The following SGK3 variants were observed in gnomAD, a reference collection of about 807,000 sequenced individuals.
The protein encoded by SGK3 is serine/threonine-protein kinase Sgk3.
A neutral mutation model predicts 68.5 loss-of-function variants in SGK3; 47 were observed. That is an observed-to-expected ratio of 0.69 (90% CI 0.54 to 0.87). The LOEUF (loss-of-function observed/expected upper bound fraction) is 0.87, where lower values mean the gene tolerates loss of function less well. SGK3 is among the 40% of genes least tolerant of loss of function. The pLI, the probability that SGK3 is intolerant of heterozygous loss-of-function variation, is 0.00. For synonymous variants in SGK3, 181 were observed against 189.1 expected (o/e 0.96, Z 0.35); for missense variants, 479 against 575.5 (o/e 0.83, Z 1.72).
chr8:66,762,306 G>A (rs377245401), intron 1 of SGK3, among the ~76,000 whole-genome samples: 2 of 152,124 alleles, frequency 1.3e-5, no homozygotes, highest in African/African-American at 2.4e-5. Flanking sequence ...TCAGCTGGAC[G>A]TCAGGAGATC....
At chr8:66,782,404 A>G (rs992898377) in intron 1 of SGK3, among the ~76,000 whole-genome samples, 27 of 151,326 alleles carry the variant, frequency 1.8e-4, no homozygotes, top group Non-Finnish European at 1.2e-4. Context: ...GCTGCCACAC[A>G]TGTCCAGCAC....
In SGK3 at chr8:66,836,009, T is replaced by A; in HGVS notation, c.676T>A (p.Leu226Met). ...TGTGAAACATCCGTTTTTGGTTGGA[T>A]TGCATTATTCCTTCCAAACAACTGA... is the stretch of plus-strand genomic sequence containing the variant. Reference protein sequence around the residue: ...KNVKHPFLVGLHYSFQTTEKL... With the variant: ...KNVKHPFLVGMHYSFQTTEKL... Residue 226 changes from leucine to methionine, a missense_variant, in exon 10 of 17, where the codon TTG becomes ATG. Coordinates refer to ENST00000521198, the MANE Select transcript of SGK3 (RefSeq NM_001033578.3). The A allele has an allele frequency of 6.2e-7, 1 of 1,613,832 alleles. No homozygotes were observed. The highest frequency in any genetic ancestry group is 8.5e-7 in the Non-Finnish European group (1 of 1,179,886).
rs549216381 is a variant in SGK3 at position 66,756,915 on chromosome 8, A to G, written c.-121-36701A>G. On this transcript the variant is annotated intron_variant, in intron 1 of 16. Coordinates refer to ENST00000521198, the MANE Select transcript of SGK3 (RefSeq NM_001033578.3). Reference sequence around the variant, plus strand: ...CAGCATCAACTATTTTTAAAAAGATAATAATCTGGACATGTAAGATTTATG... The same window carrying G: ...CAGCATCAACTATTTTTAAAAAGATGATAATCTGGACATGTAAGATTTATG... Among the ~76,000 whole-genome samples, 61 of 151,968 alleles carry G rather than the reference A, an allele frequency of 4.0e-4. No homozygotes were observed. The South Asian group carries it at 0.011, about 28-fold the overall frequency.
chr8:66,798,025 C>T (rs1201850584), intron 2 of SGK3, among the ~76,000 whole-genome samples: 8 of 148,598 alleles, frequency 5.4e-5, no homozygotes, highest in Middle Eastern at 3.4e-3. Context: ...TTTTTTTTTC[C>T]AAGTCATGAT....
chr8:66,736,283 AAAT>A (rs1242272730), intron 1 of SGK3, among the ~76,000 whole-genome samples: 1 of 152,162 alleles, frequency 6.6e-6, no homozygotes, highest in Non-Finnish European at 1.5e-5. Context: ...ATAACAATAA[AAAT>A]AATACAAATA....
At chr8:66,783,611 G>C (rs1402450830) in intron 1 of SGK3, among the ~76,000 whole-genome samples, 2 of 152,162 alleles carry the variant, frequency 1.3e-5, no homozygotes, top group Non-Finnish European at 2.9e-5. Flanking sequence ...TTCACCTCCT[G>C]GGCTCAAGCT....
chr8:66,753,195 G>A (rs1805874447), intron 1 of SGK3, among the ~76,000 whole-genome samples: 1 of 152,034 alleles, frequency 6.6e-6, no homozygotes, highest in African/African-American at 2.4e-5. Flanking sequence ...TTTCCATTTT[G>A]CAGATGAGAA....
chr8:66,839,553 A>G (rs1420489458), intron 10 of SGK3, among the ~76,000 whole-genome samples: 5 of 74,064 alleles, frequency 6.8e-5, no homozygotes, highest in Non-Finnish European at 1.2e-4. Context: ...ATATATATAT[A>G]TATATTTTCA....
intron 5 of SGK3, among the ~76,000 whole-genome samples, chr8:66,819,721 AC>A (rs1044253076): frequency 3.3e-4 from 51 of 152,276 alleles, no homozygotes; most frequent in African/African-American, 1.2e-3. Flanking sequence ...CATTTTATAA[AC>A]CTTTTTTATT....
At chr8:66,727,152 A>G (rs1193313865) in intron 1 of SGK3, among the ~76,000 whole-genome samples, 2 of 151,994 alleles carry the variant, frequency 1.3e-5, no homozygotes, top group Admixed American at 6.6e-5. Context: ...CCCAGGATGG[A>G]GTGCAGTGGT....
At chr8:66,724,789 AG>A (rs1048755010) in intron 1 of SGK3, among the ~76,000 whole-genome samples, 3 of 152,200 alleles carry the variant, frequency 2.0e-5, no homozygotes, top group African/African-American at 7.2e-5. Context: ...CTACATGTAA[AG>A]GGACTCTGGA....
At chr8:66,814,874 T>C (rs1808516711) in intron 5 of SGK3, among the ~76,000 whole-genome samples, 1 of 152,220 alleles carries the variant, frequency 6.6e-6, no homozygotes, top group South Asian at 2.1e-4. Flanking sequence ...AGTTGGTTTA[T>C]GAGTATTCAT....
intron 4 of SGK3, among the ~76,000 whole-genome samples, chr8:66,812,502 G>A (rs1419900519): frequency 6.6e-6 from 1 of 151,816 alleles, no homozygotes; most frequent in African/African-American, 2.4e-5. Context: ...AGTTTGCAGT[G>A]AGCTGAGATC....
intron 1 of SGK3, among the ~76,000 whole-genome samples, chr8:66,762,114 G>T (rs566116358): frequency 2.0e-5 from 3 of 152,118 alleles, no homozygotes; most frequent in Non-Finnish European, 4.4e-5. Flanking sequence ...TGCCACAGGC[G>T]CCTGCTACCA....
chr8:66,767,471 A>G (rs1350548983), intron 1 of SGK3: 3 of 1,456,672 alleles, frequency 2.1e-6, no homozygotes, highest in Non-Finnish European at 2.9e-6. Flanking sequence ...GGAGACTGCA[A>G]CAGATTGGAT....
intron 2 of SGK3, among the ~76,000 whole-genome samples, chr8:66,798,120 T>G (rs1224027067): frequency 1.3e-5 from 2 of 152,162 alleles, no homozygotes; most frequent in East Asian, 3.9e-4. Context: ...GCAATCCTCT[T>G]ACTTCAGCCT....
chr8:66,788,606 C>T (rs1807305500), intron 1 of SGK3, among the ~76,000 whole-genome samples: 1 of 152,160 alleles, frequency 6.6e-6, no homozygotes, highest in South Asian at 2.1e-4. Flanking sequence ...AACTGGCAGG[C>T]TCATAGGTTA....
chr8:66,844,317 A>G (rs898471138), intron 14 of SGK3, among the ~76,000 whole-genome samples: 1 of 152,142 alleles, frequency 6.6e-6, no homozygotes, highest in African/African-American at 2.4e-5. Context: ...TTTTCCCATG[A>G]TTGGAGATCA....
In SGK3 at chr8:66,841,086, T is replaced by C. The variant is rs1051126283; in HGVS notation, c.954T>C (p.Thr318=). 9.4e-6 allele frequency: 15 copies of C among 1,593,848 alleles called. No individual in the cohort carries two copies. Among genetic ancestry groups the C allele is most frequent in the Middle Eastern group, 1.7e-4 (1 of 6,028 alleles). The stretch of plus-strand genomic sequence containing the variant: ...AAGGAATTGCTATTTCTGACACCAC[T>C]ACCACATTTTGTGGGACACCAGAGG... ...CKEGIAISDT[T]TTFCGTPEYL... The change falls in exon 13 of 17, where the codon ACT becomes ACC. Residue 318 remains threonine (T), a synonymous_variant. Transcript: ENST00000521198.
Sources: gnomAD v4.1 joint callset for allele counts (sites outside exome capture counted in the v4.1 genomes callset) on GRCh38, gnomAD v4.1.1 for gene constraint, MANE v1.5 for transcripts, NCBI Gene and HGNC (gene_info 2026-07-23, HGNC 2026-07-21) for gene names.